ZFHX3: variants seen among roughly 807,000 people sequenced by gnomAD.
ZFHX3 encodes the protein zinc finger homeobox protein 3.
ZFHX3 carries 42 observed loss-of-function variants against 279.1 expected under a neutral mutation model. The ratio of observed to expected loss-of-function variants is 0.15; its 90% CI spans 0.12 to 0.19. The LOEUF is 0.19. ZFHX3 is among the 10% of genes least tolerant of loss of function. ZFHX3 has a pLI of 1.00. For missense variants in ZFHX3, 4,981 were observed against 4,754.0 expected (o/e 1.05, Z -1.40); for synonymous variants, 2,293 against 1,957.8 (o/e 1.17, Z -4.52).
At chr16:72,790,617 A>G (rs2063303760) in intron 9 of ZFHX3, 1 of 152,260 alleles carries the variant, frequency 6.6e-6, no homozygotes, top group South Asian at 2.1e-4. Flanking sequence ...CCAAGGAGAA[A>G]GGTTCCTTCA....
At chr16:73,829,509 TTC>T (rs1407688952) in intron 1 of ZFHX3, among the ~76,000 whole-genome samples, 1 of 37,206 alleles carries the variant, frequency 2.7e-5, no homozygotes, top group Non-Finnish European at 4.5e-5. Flanking sequence ...AGTTTTTCTG[TTC>T]TGTTTTTTCC....
At chr16:72,854,322 T>C (rs1279033092) in intron 4 of ZFHX3, among the ~76,000 whole-genome samples, 1 of 152,228 alleles carries the variant, frequency 6.6e-6, no homozygotes, top group Non-Finnish European at 1.5e-5. Context: ...TTATGGAATC[T>C]GTCACTTCTA....
intron 1 of ZFHX3, among the ~76,000 whole-genome samples, chr16:73,871,207 A>G (rs1167243937): frequency 6.6e-6 from 1 of 152,182 alleles, no homozygotes; most frequent in African/African-American, 2.4e-5. Context: ...CCCTCATGTC[A>G]CACCCTGACT....
intron 3 of ZFHX3, among the ~76,000 whole-genome samples, chr16:73,378,031 A>C (rs8051729): frequency 0.016 from 589 of 37,558 alleles, 12 homozygotes; most frequent in Middle Eastern, 0.061. Context: ...ACTCTGTCTC[A>C]AAAAAAAAAA....
intron 3 of ZFHX3, among the ~76,000 whole-genome samples, chr16:73,340,403 G>A (rs2016008686): frequency 6.6e-6 from 1 of 152,242 alleles, no homozygotes; most frequent in South Asian, 2.1e-4. Flanking sequence ...CTGTCACCCA[G>A]GCTGGAGTGC....
intron 3 of ZFHX3, among the ~76,000 whole-genome samples, chr16:73,426,410 C>T (rs775163610): frequency 1.3e-5 from 2 of 152,034 alleles, no homozygotes; most frequent in African/African-American, 4.8e-5. Context: ...GATAAATGGC[C>T]TGGGCTGGAG....
At chr16:73,755,175 G>C (rs1210187376) in intron 1 of ZFHX3, among the ~76,000 whole-genome samples, 1 of 152,136 alleles carries the variant, frequency 6.6e-6, no homozygotes, top group Non-Finnish European at 1.5e-5. Flanking sequence ...CGTACTCCCT[G>C]ATTAATCTCT....
chr16:73,495,853 G>A (rs1264906376), intron 2 of ZFHX3, among the ~76,000 whole-genome samples: 2 of 152,124 alleles, frequency 1.3e-5, no homozygotes, highest in Non-Finnish European at 2.9e-5. Context: ...GAAATAAACA[G>A]CTTAAAACTG....
At chr16:73,729,348 G>A (rs1018215999) in intron 1 of ZFHX3, among the ~76,000 whole-genome samples, 5 of 152,180 alleles carry the variant, frequency 3.3e-5, no homozygotes, top group Non-Finnish European at 5.9e-5. Flanking sequence ...TCAACATGGT[G>A]AAACCCTGCC....
At chr16:73,421,735 G>C (rs900636937) in intron 3 of ZFHX3, among the ~76,000 whole-genome samples, 1 of 152,136 alleles carries the variant, frequency 6.6e-6, no homozygotes, top group Admixed American at 6.5e-5. Context: ...GTTGATGGAT[G>C]GGCCACCCTA....
chr16:73,137,953 A>C (rs986428430), intron 6 of ZFHX3, among the ~76,000 whole-genome samples: 39 of 152,172 alleles, frequency 2.6e-4, no homozygotes, highest in Admixed American at 2.4e-3. Context: ...CTTTGCCGAC[A>C]GAAGGAAATA....
At chr16:73,660,672 T>C (rs551061828) in intron 2 of ZFHX3, among the ~76,000 whole-genome samples, 1 of 152,264 alleles carries the variant, frequency 6.6e-6, no homozygotes, top group East Asian at 1.9e-4. Context: ...AGAAACACAA[T>C]GAAAACGTGC....
chr16:73,010,241 C>G (rs1963867951), intron 1 of ZFHX3, among the ~76,000 whole-genome samples: 1 of 152,054 alleles, frequency 6.6e-6, no homozygotes, highest in South Asian at 2.1e-4. Context: ...ACAGAATGCC[C>G]AGCTGTGGGG....
At chr16:73,602,123 C>T (rs1335053244) in intron 2 of ZFHX3, among the ~76,000 whole-genome samples, 2 of 152,142 alleles carry the variant, frequency 1.3e-5, no homozygotes, top group East Asian at 3.9e-4. Context: ...CAGAGTGAGA[C>T]CTTGTCTCAA....
At chr16:73,003,375 C>G (rs563736152) in intron 1 of ZFHX3, among the ~76,000 whole-genome samples, 1 of 150,524 alleles carries the variant, frequency 6.6e-6, no homozygotes, top group Admixed American at 6.6e-5. Context: ...TAGATTCTAG[C>G]AGGGGAAACA....
At chr16:73,251,679 C>G (rs1026306346) in intron 5 of ZFHX3, among the ~76,000 whole-genome samples, 2 of 151,624 alleles carry the variant, frequency 1.3e-5, no homozygotes, top group Non-Finnish European at 2.9e-5. Context: ...CATTCACACA[C>G]ATACACACCA....
chr16:73,076,893 G>GCACACACACA (rs57770164), intron 8 of ZFHX3, among the ~76,000 whole-genome samples: 54 of 149,974 alleles, frequency 3.6e-4, no homozygotes, highest in African/African-American at 1.2e-3. Context: ...ATATGTATAC[G>GCACACACACA]CACACACACA....
intron 4 of ZFHX3, among the ~76,000 whole-genome samples, chr16:73,263,127 T>A (rs979557765): frequency 6.6e-6 from 1 of 152,168 alleles, no homozygotes; most frequent in African/African-American, 2.4e-5. Context: ...GAAAGCTAAC[T>A]GATAACAAAC....
chr16:73,237,274 G>C (rs2144938879), intron 5 of ZFHX3, among the ~76,000 whole-genome samples: 1 of 152,238 alleles, frequency 6.6e-6, no homozygotes, highest in African/African-American at 2.4e-5. Context: ...AAATTCTTTA[G>C]AGATAGGGTC....
Sources: gnomAD v4.1 joint callset for allele counts (sites outside exome capture counted in the v4.1 genomes callset) on GRCh38, gnomAD v4.1.1 for gene constraint, MANE v1.5 for transcripts, NCBI Gene and HGNC (gene_info 2026-07-23, HGNC 2026-07-21) for gene names.